Variants in TSGA10 observed in about 807,000 individuals in gnomAD.
The protein encoded by TSGA10 is testis-specific gene 10 protein.
A neutral mutation model predicts 96.6 loss-of-function variants in TSGA10; 43 were observed. The observed-to-expected ratio is 0.44, with a 90% CI of 0.35 to 0.57. The LOEUF (loss-of-function observed/expected upper bound fraction) is 0.57. TSGA10 is among the 20% of genes least tolerant of loss of function. TSGA10 has a pLI of 0.01. For missense variants in TSGA10, 703 were observed against 834.4 expected, an observed-to-expected ratio of 0.84 and a Z score of 1.94; for synonymous variants, 229 against 269.9, an observed-to-expected ratio of 0.85 and a Z score of 1.48.
intron 20 of TSGA10, among the ~76,000 whole-genome samples, 184 bp from the exon 21 acceptor site, chr2:98,998,405 T>C (rs2104758154): frequency 6.6e-6 from 1 of 152,336 alleles, no homozygotes; most frequent in Middle Eastern, 3.4e-3. Flanking sequence ...ATTCATACCA[T>C]GGAATACTAT....
intron 2 of TSGA10, among the ~76,000 whole-genome samples, chr2:99,120,849 C>T (rs2092533443): frequency 6.6e-6 from 1 of 152,154 alleles, no homozygotes; most frequent in Non-Finnish European, 1.5e-5. Flanking sequence ...TCTCCTTCCC[C>T]GCCCTCAATT....
intron 10 of TSGA10, among the ~76,000 whole-genome samples, chr2:99,084,694 G>A (rs2088023146): frequency 6.6e-6 from 1 of 152,022 alleles, no homozygotes; most frequent in Non-Finnish European, 1.5e-5. Context: ...AGCAAAAGGT[G>A]AAAAACTGAC....
intron 7 of TSGA10, among the ~76,000 whole-genome samples, chr2:99,106,246 G>A (rs1407221519): frequency 6.6e-6 from 1 of 152,050 alleles, no homozygotes; most frequent in Non-Finnish European, 1.5e-5. Flanking sequence ...TCGCTGCACA[G>A]GTCTCTTTTC....
intron 16 of TSGA10, among the ~76,000 whole-genome samples, chr2:99,057,221 G>C (rs1244668238): frequency 6.6e-6 from 1 of 152,064 alleles, no homozygotes; most frequent in African/African-American, 2.4e-5. Context: ...GTTCTAGCCA[G>C]GGTAGTTAGG....
At chr2:99,094,622 T>A (rs1225608930) in intron 10 of TSGA10, among the ~76,000 whole-genome samples, 1 of 152,130 alleles carries the variant, frequency 6.6e-6, no homozygotes, top group African/African-American at 2.4e-5. Flanking sequence ...AAAGAAGATA[T>A]ACAAATGGCC....
chr2:99,139,725 G>C (rs1232567283), intron 1 of TSGA10, among the ~76,000 whole-genome samples: 1 of 152,136 alleles, frequency 6.6e-6, no homozygotes, highest in Non-Finnish European at 1.5e-5. Context: ...AAAAAATGTT[G>C]AGTAAAGAAG....
At chr2:99,074,351 C>CGTGTGTGT (rs147220063) in intron 12 of TSGA10, among the ~76,000 whole-genome samples, 1,846 of 145,108 alleles carry the variant, frequency 0.013, 41 homozygotes, top group African/African-American at 0.043. Context: ...CACATATTTG[C>CGTGTGTGT]GTGTGTGTGT....
At chr2:99,024,088 C>G (rs2080306081) in intron 17 of TSGA10, among the ~76,000 whole-genome samples, 1 of 142,672 alleles carries the variant, frequency 7.0e-6, no homozygotes, top group South Asian at 2.2e-4. Flanking sequence ...TTGTAAAGTA[C>G]AAGTATTTGT....
At chr2:99,143,535 A>C (rs1025132967) in intron 1 of TSGA10, among the ~76,000 whole-genome samples, 2 of 150,244 alleles carry the variant, frequency 1.3e-5, no homozygotes, top group Non-Finnish European at 1.5e-5. Flanking sequence ...CGTTGGCATG[A>C]TCTCAGCTCA....
At chr2:99,142,843 A>G (rs754613260) in intron 1 of TSGA10, among the ~76,000 whole-genome samples, 1 of 152,188 alleles carries the variant, frequency 6.6e-6, no homozygotes, top group Non-Finnish European at 1.5e-5. Flanking sequence ...CTGGAGTTGA[A>G]GACTTCGGGG....
chr2:99,064,740 G>T (rs760032371), intron 16 of TSGA10, among the ~76,000 whole-genome samples, 199 bp downstream of exon 16: 1 of 152,114 alleles, frequency 6.6e-6, no homozygotes, highest in African/African-American at 2.4e-5. Context: ...TTTAACAAAT[G>T]CTAATGATTG....
At chr2:99,005,011 C>T in intron 20 of TSGA10, among the ~76,000 whole-genome samples, 1 of 152,236 alleles carries the variant, frequency 6.6e-6, no homozygotes, top group Non-Finnish European at 1.5e-5. Flanking sequence ...TAAATGTAAT[C>T]CAGCATATAA....
At chr2:99,098,970 T>C (rs1245461448) in intron 10 of TSGA10, among the ~76,000 whole-genome samples, 1 of 152,152 alleles carries the variant, frequency 6.6e-6, no homozygotes, top group African/African-American at 2.4e-5. Flanking sequence ...GAAAAGAGTA[T>C]TATAGTATGA....
intron 1 of TSGA10, among the ~76,000 whole-genome samples, chr2:99,140,704 T>C (rs1362988210): frequency 6.6e-6 from 1 of 152,050 alleles, no homozygotes; most frequent in African/African-American, 2.4e-5. Context: ...GGCTCAGAAA[T>C]GAGCGATCGG....
chr2:99,128,170 G>C (rs1310926652), intron 1 of TSGA10, among the ~76,000 whole-genome samples: 1 of 152,148 alleles, frequency 6.6e-6, no homozygotes, highest in Non-Finnish European at 1.5e-5. Flanking sequence ...GATCTCCCCA[G>C]TCACTGACCT....
At position 99,150,479 on chromosome 2, in the gene TSGA10, T is replaced by C. The variant is rs757620925; in HGVS notation, c.-621+4214A>G. 34 of 1,463,170 alleles carry C rather than the reference T, an allele frequency of 2.3e-5. No homozygotes were observed. The East Asian group carries it at 3.5e-4, about 15-fold the overall frequency. 90.6% of individuals were successfully genotyped at this position (1,463,170 alleles called of 1,614,324 possible). ...TCACTTGTTACTTTTTTTTTTTTTT[T>C]CAGTAATCAAGTTGAAGAAACACTT... On this transcript the variant is annotated intron_variant, in intron 1 of 20. Transcript: ENST00000393483.
At chr2:99,123,446 T>C (rs1387169730) in intron 2 of TSGA10, among the ~76,000 whole-genome samples, 2 of 152,212 alleles carry the variant, frequency 1.3e-5, no homozygotes, top group African/African-American at 2.4e-5. Flanking sequence ...TCGTGTTCAC[T>C]GATTCATTCC....
intron 2 of TSGA10, among the ~76,000 whole-genome samples, chr2:99,121,175 A>G (rs1448202686): frequency 6.6e-6 from 1 of 152,142 alleles, no homozygotes; most frequent in Non-Finnish European, 1.5e-5. Context: ...TCTCTGGAAT[A>G]AATGCCCAGG....
intron 2 of TSGA10, chr2:99,126,495 T>C (rs1029559885): frequency 6.6e-6 from 1 of 152,262 alleles, no homozygotes; most frequent in African/African-American, 2.4e-5. Flanking sequence ...AATTCTTTTA[T>C]ACATAATGTT....
Sources: allele counts gnomAD v4.1 joint callset (sites outside exome capture counted in the v4.1 genomes callset), GRCh38; gene constraint gnomAD v4.1.1; transcripts MANE v1.5; gene names NCBI Gene and HGNC (gene_info 2026-07-23, HGNC 2026-07-21).